The following CCSER1 variants were observed in gnomAD, a reference collection of about 807,000 sequenced individuals.
CCSER1 encodes the protein serine-rich coiled-coil domain-containing protein 1.
In CCSER1, 41 loss-of-function variants were observed where a neutral mutation model predicts 82.0. The observed-to-expected ratio is 0.50, with a 90% CI of 0.39 to 0.65. The LOEUF (loss-of-function observed/expected upper bound fraction) is 0.65, where lower values mean the gene tolerates loss of function less well. Ranked by LOEUF, CCSER1 falls within the 30% of genes least tolerant of loss-of-function variation. The pLI, the probability that CCSER1 is intolerant of heterozygous loss-of-function variation, is 0.00. For synonymous variants in CCSER1, 414 were observed against 383.9 expected (o/e 1.08, Z -0.92); for missense variants, 1,119 against 1,064.2 (o/e 1.05, Z -0.72).
At chr4:90,720,401 T>C (rs1181021611) in intron 6 of CCSER1, among the ~76,000 whole-genome samples, 2 of 152,096 alleles carry the variant, frequency 1.3e-5, no homozygotes, top group Admixed American at 6.6e-5. Flanking sequence ...ACATAAGACT[T>C]ATACAATAAA....
In CCSER1 at chr4:90,341,263, G is replaced by A. The variant is rs546106164; in HGVS notation, c.1509+28216G>A. Among the ~76,000 whole-genome samples, 645 of 152,130 alleles carry A rather than the reference G, an allele frequency of 4.2e-3. 3 individuals are homozygous for A. Among genetic ancestry groups the A allele is most frequent in the African/African-American group, 0.015 (612 of 41,526 alleles). On this transcript the variant is annotated intron_variant, in intron 3 of 10. Transcript: ENST00000509176. ...ATCAGTGAAAGTGTTATTTGTTGAAGTGCTTAGCTCTGTGATCTTATGAGA... is the reference window on the plus strand; with the variant it reads ...ATCAGTGAAAGTGTTATTTGTTGAAATGCTTAGCTCTGTGATCTTATGAGA...
rs151064344 is a variant in CCSER1, at chr4:90,716,332, G to A, written c.1933-7582G>A. Among the ~76,000 whole-genome samples the A allele has an allele frequency of 9.9e-3, 1,499 of 151,824 alleles. 19 individuals are homozygous for A. Among genetic ancestry groups the A allele is most frequent in the Admixed American group, 0.018 (268 of 15,196 alleles). On this transcript the variant is annotated intron_variant, in intron 6 of 10. Transcript: ENST00000509176. The stretch of plus-strand genomic sequence containing the variant: ...AAAGTAGTAAATACTTTTATATCCA[G>A]GCATTTTTGTGATAAAGTCTTATGA...
intron 1 of CCSER1, among the ~76,000 whole-genome samples, chr4:90,157,260 C>T (rs1256866812): frequency 1.3e-5 from 2 of 152,196 alleles, no homozygotes; most frequent in African/African-American, 4.8e-5. Context: ...GTCTGATGGG[C>T]TTCCCTTTGT....
At chr4:90,417,741 G>A (rs1266480797) in intron 4 of CCSER1, among the ~76,000 whole-genome samples, 1 of 152,070 alleles carries the variant, frequency 6.6e-6, no homozygotes, top group African/African-American at 2.4e-5. Context: ...CAGTGAGTTA[G>A]GAACTCCTCC....
At chr4:90,534,568 A>C (rs1229807138) in intron 5 of CCSER1, among the ~76,000 whole-genome samples, 2 of 152,124 alleles carry the variant, frequency 1.3e-5, no homozygotes, top group Non-Finnish European at 2.9e-5. Flanking sequence ...TAAAGCAGAT[A>C]TTGAAAGGCT....
intron 5 of CCSER1, among the ~76,000 whole-genome samples, chr4:90,542,821 T>C (rs1449059010): frequency 6.6e-6 from 1 of 152,130 alleles, no homozygotes; most frequent in Non-Finnish European, 1.5e-5. Context: ...TGGGATAGTA[T>C]GTTTTTCTAG....
chr4:90,578,182 C>T (rs1258179571), intron 5 of CCSER1, among the ~76,000 whole-genome samples: 1 of 151,536 alleles, frequency 6.6e-6, no homozygotes, highest in South Asian at 2.1e-4. Flanking sequence ...TAGCTTTATA[C>T]TTCTTCTGTA....
intron 9 of CCSER1, among the ~76,000 whole-genome samples, chr4:90,930,939 T>TATAC (rs749253663): frequency 0.088 from 11,881 of 134,772 alleles, 726 homozygotes; most frequent in Non-Finnish European, 0.13. Context: ...TATATATATA[T>TATAC]ACACATGACA....
At chr4:90,204,901 T>C (rs976270858) in intron 1 of CCSER1, among the ~76,000 whole-genome samples, 1 of 152,194 alleles carries the variant, frequency 6.6e-6, no homozygotes, top group Admixed American at 6.5e-5. Flanking sequence ...CTTTAAGAGG[T>C]CCTTTACATC....
intron 4 of CCSER1, among the ~76,000 whole-genome samples, chr4:90,448,124 T>A (rs1265712508): frequency 6.6e-6 from 1 of 152,034 alleles, no homozygotes. Context: ...AAGCACCTTC[T>A]TTTTCTCCTT....
chr4:91,289,580 T>G (rs1183674547), intron 10 of CCSER1, among the ~76,000 whole-genome samples: 2 of 152,012 alleles, frequency 1.3e-5, no homozygotes, highest in Non-Finnish European at 2.9e-5. Flanking sequence ...ATGCCTGTGA[T>G]GGTCTCATCT....
At chr4:91,028,345 T>C (rs1041152203) in intron 9 of CCSER1, among the ~76,000 whole-genome samples, 7 of 151,990 alleles carry the variant, frequency 4.6e-5, no homozygotes, top group African/African-American at 1.4e-4. Flanking sequence ...AGTTTGGAGC[T>C]GATGAGATCA....
intron 10 of CCSER1, among the ~76,000 whole-genome samples, chr4:91,436,435 A>G (rs1384817321): frequency 6.6e-6 from 1 of 152,204 alleles, no homozygotes. Context: ...TTCTCCAAAA[A>G]TTTTCTCTAA....
Position 90,818,759 on chromosome 4 carries a change from C to T in CCSER1, c.2094+2914C>T, listed in dbSNP as rs112113686. On this transcript the variant is annotated intron_variant, in intron 8 of 10. Transcript: ENST00000509176. ...AGCACCTCTACACATTGCCAAATGT[C>T]CCATGGGGGCAAAATTGCCTCCAGG... Among the ~76,000 whole-genome samples the T allele has an allele frequency of 4.6e-3, 694 of 152,248 alleles. 4 individuals carry two copies. Among genetic ancestry groups the T allele is most frequent in the African/African-American group, 0.016 (657 of 41,554 alleles).
In CCSER1 at chr4:90,794,894, A is replaced by G. The variant is rs1284929127; in HGVS notation, c.2011-20868A>G. On this transcript the variant is annotated intron_variant, in intron 7 of 10. Transcript: ENST00000509176. ...GTAGAGGTCTTTCACTTCCCTTGTT[A>G]GCTGTATTTCTAAGTATATTTTTGT... Among the ~76,000 whole-genome samples the G allele has an allele frequency of 2.0e-5, 3 of 152,124 alleles. No individual in the cohort carries two copies. In the South Asian group the frequency reaches 6.2e-4, roughly 32 times the overall value.
At chr4:91,126,207 A>G (rs1337279003) in intron 10 of CCSER1, among the ~76,000 whole-genome samples, 3 of 151,882 alleles carry the variant, frequency 2.0e-5, no homozygotes, top group African/African-American at 7.2e-5. Flanking sequence ...TTTAACAACT[A>G]AAGATGCCTC....
intron 10 of CCSER1, among the ~76,000 whole-genome samples, chr4:91,440,128 A>T (rs1335051586): frequency 6.6e-6 from 1 of 152,298 alleles, no homozygotes; most frequent in East Asian, 1.9e-4. Flanking sequence ...ATAGACATCT[A>T]CAGAACTCTC....
At chr4:90,159,617 C>T (rs926848186) in intron 1 of CCSER1, among the ~76,000 whole-genome samples, 24 of 152,218 alleles carry the variant, frequency 1.6e-4, no homozygotes, top group Non-Finnish European at 2.1e-4. Flanking sequence ...CTTTGGAATT[C>T]GATTTTTCAA....
In CCSER1 at chr4:90,628,238, G is replaced by A; in HGVS notation, c.1932+6G>A. The stretch of plus-strand genomic sequence containing the variant: ...TGAAGAGAGTTCTTCAAGAGGTAAT[G>A]GTTTCCTCTAAGATTAATGTCCTTC... On this transcript the variant is annotated splice_donor_region_variant and intron_variant, in intron 6 of 10. Transcript: ENST00000509176. The A allele has an allele frequency of 6.2e-7, 1 of 1,602,368 alleles. No individual in the cohort carries two copies.
Sources: gnomAD v4.1 joint callset for allele counts (sites outside exome capture counted in the v4.1 genomes callset) on GRCh38, gnomAD v4.1.1 for gene constraint, MANE v1.5 for transcripts, NCBI Gene and HGNC (gene_info 2026-07-23, HGNC 2026-07-21) for gene names.